The following DLGAP4 variants were observed in gnomAD, a reference collection of about 807,000 sequenced individuals.
The protein encoded by DLGAP4 is disks large-associated protein 4.
In DLGAP4, 18 loss-of-function variants were observed where a neutral mutation model predicts 86.9. The observed-to-expected ratio is 0.21, with a 90% CI of 0.14 to 0.31. The LOEUF (loss-of-function observed/expected upper bound fraction) is 0.31, where lower values mean the gene tolerates loss of function less well. DLGAP4 is among the 10% of genes least tolerant of loss of function. The probability of loss-of-function intolerance (pLI) is 1.00; values close to 1 mark genes in which losing one functional copy is unlikely to be tolerated. For synonymous variants in DLGAP4, 548 were observed against 574.3 expected (o/e 0.95, Z 0.65); for missense variants, 1,085 against 1,362.6 (o/e 0.80, Z 3.21).
intron 2 of DLGAP4, among the ~76,000 whole-genome samples, chr20:36,423,968 C>A (rs930701539): frequency 1.5e-4 from 23 of 151,826 alleles, no homozygotes; most frequent in Non-Finnish European, 2.9e-4. Context: ...TAAAAAAAAA[C>A]CGAAAACGGA....
At chr20:36,357,878 C>T (rs551035636) in intron 1 of DLGAP4, among the ~76,000 whole-genome samples, 8 of 152,188 alleles carry the variant, frequency 5.3e-5, no homozygotes, top group South Asian at 2.1e-4. Context: ...CTGCGGATCC[C>T]GTCGGAAAGT....
At chr20:36,386,801 G>T (rs1192268864) in intron 2 of DLGAP4, among the ~76,000 whole-genome samples, 1 of 152,180 alleles carries the variant, frequency 6.6e-6, no homozygotes, top group Non-Finnish European at 1.5e-5. Flanking sequence ...GCCAGGGCTG[G>T]TCTCAAACTC....
intron 7 of DLGAP4, among the ~76,000 whole-genome samples, chr20:36,488,472 C>CT (rs2035516822): frequency 6.6e-6 from 1 of 152,168 alleles, no homozygotes; most frequent in Non-Finnish European, 1.5e-5. Flanking sequence ...GAATGCTAAA[C>CT]CATTGCTCTT....
At position 36,431,841 on chromosome 20, in the gene DLGAP4, C is replaced by G. The variant is rs376864546; in HGVS notation, c.124C>G (p.Arg42Gly). Residue 42 changes from arginine to glycine, a missense_variant, in exon 3 of 13, where the codon CGC (arginine) becomes GGC (glycine). By Grantham distance (125) the Arg-to-Gly change is moderately radical (BLOSUM62 -2). This residue lies in a region of DLGAP4 where 1,082 missense variants were observed against 1,344.1 expected (regional missense o/e 0.81). Transcript: ENST00000339266. The surrounding 1 kb of genome is among the most constrained non-coding windows in gnomAD (Gnocchi z 5.1). ...YLLSPTEAFA[R>G]EARFPGQNTL... ...GCTGTCGCCCACGGAGGCCTTCGCC[C>G]GCGAGGCCCGCTTCCCCGGGCAGAA... 2 of 1,613,854 alleles carry G rather than the reference C, an allele frequency of 1.2e-6. No individual in the cohort carries two copies. Among genetic ancestry groups the G allele is most frequent in the East Asian group, 2.2e-5 (1 of 44,880 alleles).
At chr20:36,501,444 T>C (rs1257532544) in intron 10 of DLGAP4, among the ~76,000 whole-genome samples, 1 of 152,238 alleles carries the variant, frequency 6.6e-6, no homozygotes, top group African/African-American at 2.4e-5. Context: ...GAAGAAGTTA[T>C]GCTTTTATTT....
At chr20:36,429,931 C>T (rs1055072944) in intron 2 of DLGAP4, among the ~76,000 whole-genome samples, 5 of 152,312 alleles carry the variant, frequency 3.3e-5, no homozygotes, top group Admixed American at 3.3e-4. Context: ...CTCTGAGAGC[C>T]CTCCCTCCAC....
chr20:36,496,702 C>T lies in DLGAP4; in HGVS notation c.1649-3C>T, dbSNP rs1310776725. 3.1e-6 allele frequency: 5 copies of T among 1,596,602 alleles called. No individual in the cohort carries two copies. The highest frequency in any genetic ancestry group is 4.3e-6 in the Non-Finnish European group (5 of 1,166,058). On this transcript the variant is annotated splice_region_variant and splice_polypyrimidine_tract_variant and intron_variant, in intron 7 of 12. Transcript: ENST00000339266. ...CCCCTGCCCTTCTCTCATCCATCTG[C>T]AGGTTCATCATGCCTAGTGGCGTAT...
At chr20:36,517,846 C>G (rs1461941074) in intron 10 of DLGAP4, among the ~76,000 whole-genome samples, 3 of 152,110 alleles carry the variant, frequency 2.0e-5, no homozygotes, top group Non-Finnish European at 2.9e-5. Flanking sequence ...TCCTTTCTAT[C>G]CTTGTCCTGT....
At chr20:36,467,947 C>T (rs1032057828) in intron 7 of DLGAP4, among the ~76,000 whole-genome samples, 2 of 152,204 alleles carry the variant, frequency 1.3e-5, no homozygotes, top group East Asian at 3.8e-4. Context: ...GTCTCCAAAC[C>T]GTGTCTCTTC....
At chr20:36,372,966 C>T (rs780522768) in intron 2 of DLGAP4, among the ~76,000 whole-genome samples, 5 of 152,102 alleles carry the variant, frequency 3.3e-5, no homozygotes, top group Non-Finnish European at 7.3e-5. Context: ...CAGGGAGGAA[C>T]AGGATATCTA....
intron 1 of DLGAP4, among the ~76,000 whole-genome samples, chr20:36,358,417 A>G (rs891072615): frequency 6.6e-6 from 1 of 152,210 alleles, no homozygotes; most frequent in East Asian, 1.9e-4. Context: ...GGACAGGGAC[A>G]AGCATGTTGG....
chr20:36,512,325 C>A (rs1230419007), intron 10 of DLGAP4, among the ~76,000 whole-genome samples: 1 of 152,072 alleles, frequency 6.6e-6, no homozygotes, highest in Non-Finnish European at 1.5e-5. Flanking sequence ...GCTGGGATTA[C>A]AGGCGTGAGC....
intron 7 of DLGAP4, chr20:36,462,307 C>T: frequency 7.5e-7 from 1 of 1,341,908 alleles, no homozygotes; most frequent in Non-Finnish European, 9.5e-7. Context: ...GGTCTCCGAG[C>T]ACCCCCACTT....
At chr20:36,318,947 C>A (rs2065138917) in intron 1 of DLGAP4, among the ~76,000 whole-genome samples, 1 of 152,034 alleles carries the variant, frequency 6.6e-6, no homozygotes, top group African/African-American at 2.4e-5. Flanking sequence ...AGATGGAGAC[C>A]ATCCTGACCA....
intron 1 of DLGAP4, among the ~76,000 whole-genome samples, 192 bp from the exon 2 acceptor site, chr20:36,366,853 C>T (rs1288594518): frequency 6.6e-6 from 1 of 152,174 alleles, no homozygotes; most frequent in African/African-American, 2.4e-5. Flanking sequence ...TCTAAAAAAA[C>T]AATGTGGGTG....
At chr20:36,337,685 T>C (rs2065336531) in intron 1 of DLGAP4, among the ~76,000 whole-genome samples, 1 of 151,808 alleles carries the variant, frequency 6.6e-6, no homozygotes. Flanking sequence ...AGCGGGTGCT[T>C]CCCCCCCAGG....
Position 36,525,901 on chromosome 20 carries a change from G to A in DLGAP4, c.2655G>A (p.Trp885Ter), listed in dbSNP as rs765878904. 1 of 1,613,838 alleles carries A rather than the reference G, an allele frequency of 6.2e-7. No homozygotes were observed. The change falls in exon 12 of 13, where the codon TGG becomes TGA. Residue 885 changes from tryptophan to a stop codon, truncating the protein, a stop_gained. Transcript: ENST00000339266. LOFTEE classifies it high-confidence loss of function. Reference sequence around the variant, plus strand: ...CAGCCCAGGACCTGGCAGGGTTCTGGGACCTGCTACAGCTGTCCATCGAGG... The same window carrying A: ...CAGCCCAGGACCTGGCAGGGTTCTGAGACCTGCTACAGCTGTCCATCGAGG... ...RPTAQDLAGF[W>*]DLLQLSIEDI...
rs551289834 is a variant in DLGAP4 at position 36,514,716 on chromosome 20, G to A, written c.2513-9534G>A. On this transcript the variant is annotated intron_variant, in intron 10 of 12. Transcript: ENST00000339266. Reference sequence around the variant, plus strand: ...GGCATGAGCCACCGCGCCTGTCCTTGTTTTGTTTTTTTAATGGAGCAATAT... The same window carrying A: ...GGCATGAGCCACCGCGCCTGTCCTTATTTTGTTTTTTTAATGGAGCAATAT... Among the ~76,000 whole-genome samples the A allele has an allele frequency of 2.6e-5, 4 of 152,084 alleles. No homozygotes were observed. The South Asian group carries it at 8.3e-4, about 32-fold the overall frequency.
chr20:36,309,857 A>G (rs1026778760), intron 1 of DLGAP4, among the ~76,000 whole-genome samples: 6 of 152,196 alleles, frequency 3.9e-5, no homozygotes, highest in African/African-American at 1.4e-4. Flanking sequence ...GGGGACACAG[A>G]GTCAAACCTG....
Sources: gnomAD v4.1 joint callset for allele counts (sites outside exome capture counted in the v4.1 genomes callset) on GRCh38, gnomAD v4.1.1 for gene constraint, gnomAD v4.1.1 regional missense constraint, Gnocchi (gnomAD v3.1) non-coding constraint, MANE v1.5 for transcripts, NCBI Gene and HGNC (gene_info 2026-07-23, HGNC 2026-07-21) for gene names.